PKD1L1: variants seen among roughly 807,000 people sequenced by gnomAD.
PKD1L1 encodes polycystin 1 like 1, transient receptor potential channel interacting, also known as polycystin-1-like protein 1.
Under a neutral mutation model 323.4 loss-of-function variants are expected in PKD1L1, and 236 were observed. The observed-to-expected ratio is 0.73, with a 90% confidence interval of 0.66 to 0.81. The LOEUF (loss-of-function observed/expected upper bound fraction) is 0.81. PKD1L1 is among the 40% of genes least tolerant of loss of function. PKD1L1 has a pLI of 0.00. For synonymous variants in PKD1L1, 1,344 were observed against 1,335.0 expected (o/e 1.01, Z -0.15); for missense variants, 3,320 against 3,508.0 (o/e 0.95, Z 1.35).
intron 26 of PKD1L1, among the ~76,000 whole-genome samples, chr7:47,862,890 G>C (rs1165176494): frequency 1.3e-5 from 2 of 152,194 alleles, no homozygotes; most frequent in African/African-American, 4.8e-5. Flanking sequence ...CACGGGGAGT[G>C]CTGAGCAGGA....
chr7:47,802,535 T>C (rs1281713609), intron 53 of PKD1L1, among the ~76,000 whole-genome samples: 13 of 152,240 alleles, frequency 8.5e-5, no homozygotes, highest in African/African-American at 2.9e-4. Flanking sequence ...GTGTCCTGTG[T>C]GGCTTGGATC....
In PKD1L1 at chr7:47,890,832, G is replaced by A. The variant is rs1375393474; in HGVS notation, c.2454-69C>T. ...GAGTCAGGGACTACCCTGTGTCACT[G>A]CACGGGTTTTCCCCAGGTGAGGGGG... On this transcript the variant is annotated intron_variant, in intron 15 of 56. Coordinates refer to ENST00000289672, the MANE Select transcript of PKD1L1 (RefSeq NM_138295.5). 10 of 1,412,158 alleles carry A rather than the reference G, an allele frequency of 7.1e-6. No homozygotes were observed. In the Admixed American group the frequency reaches 9.1e-5, roughly 13 times the overall value. 87.5% of individuals were successfully genotyped at this position (1,412,158 alleles called of 1,614,324 possible).
At chr7:47,884,130 G>A (rs112597740) in intron 19 of PKD1L1, among the ~76,000 whole-genome samples, 251 of 151,766 alleles carry the variant, frequency 1.7e-3, no homozygotes, top group African/African-American at 5.8e-3. Flanking sequence ...CTTCCCAGAG[G>A]AGGGAATAAA....
intron 41 of PKD1L1, among the ~76,000 whole-genome samples, chr7:47,832,382 C>A (rs561672303): frequency 5.9e-5 from 9 of 152,228 alleles, no homozygotes; most frequent in African/African-American, 2.2e-4. Flanking sequence ...ACGCTGAAGG[C>A]TCACCTGCCT....
chr7:47,860,921 G>A (rs918889471), intron 26 of PKD1L1, among the ~76,000 whole-genome samples: 5 of 152,148 alleles, frequency 3.3e-5, no homozygotes, highest in Admixed American at 1.3e-4. Context: ...TCGAGTCCAG[G>A]TGAGCCCATG....
At chr7:47,916,810 C>T (rs1296824392) in intron 7 of PKD1L1, among the ~76,000 whole-genome samples, 1 of 152,172 alleles carries the variant, frequency 6.6e-6, no homozygotes. Flanking sequence ...ACCCACAGGA[C>T]AAAAGAATCT....
intron 45 of PKD1L1, among the ~76,000 whole-genome samples, chr7:47,825,746 T>G (rs1360433971): frequency 2.0e-5 from 3 of 152,284 alleles, no homozygotes; most frequent in Admixed American, 2.0e-4. Context: ...TAGAGAAACT[T>G]ATACTTAAGA....
At chr7:47,890,476 G>GGATGCTAGCACCA in intron 16 of PKD1L1, 66 bp downstream of exon 16, 1 of 1,505,632 alleles carries the variant, frequency 6.6e-7, no homozygotes, top group Non-Finnish European at 9.2e-7. Flanking sequence ...TTCCTTTCAC[G>GGATGCTAGCACCA]GATGCTAGCA....
chr7:47,829,935 G>A (rs1432625195), intron 43 of PKD1L1, 105 bp downstream of exon 43: 3 of 1,061,660 alleles, frequency 2.8e-6, no homozygotes, highest in Non-Finnish European at 4.3e-6. Flanking sequence ...TGAAATCAGG[G>A]TATAAAGAAA....
chr7:47,845,781 A>G (rs900157995), intron 32 of PKD1L1, among the ~76,000 whole-genome samples: 3 of 152,050 alleles, frequency 2.0e-5, no homozygotes, highest in African/African-American at 7.2e-5. Flanking sequence ...GGGTTTCGCT[A>G]TGTTGGCCAG....
At chr7:47,778,341 C>T (rs547316662) in intron 56 of PKD1L1, among the ~76,000 whole-genome samples, 16 of 152,240 alleles carry the variant, frequency 1.1e-4, no homozygotes, top group Middle Eastern at 3.4e-3. Flanking sequence ...GGGGCAAAGA[C>T]CTTCCATTTG....
Position 47,876,211 on chromosome 7 carries a change from G to A in PKD1L1, c.3670C>T (p.His1224Tyr), listed in dbSNP as rs754717774. 1.2e-6 allele frequency: 2 copies of A among 1,613,864 alleles called. No individual in the cohort carries two copies. The highest frequency in any genetic ancestry group is 4.5e-5 in the East Asian group (2 of 44,882). The change falls in exon 23 of 57, where the codon CAT becomes TAT. Residue 1224 changes from histidine (H) to tyrosine (Y), a missense_variant. Physicochemically the swap from His to Tyr is moderately conservative, Grantham distance 83. Coordinates refer to ENST00000289672, the MANE Select transcript of PKD1L1 (RefSeq NM_138295.5). ...CCTATCTGGTAACTAAATTCATAAT[G>A]GAAGTCCTATGATCCAGTCCAAGGG... ...VFCMSGKPDFHYEFSYQIGNT... is the reference protein window; with the variant it reads ...VFCMSGKPDFYYEFSYQIGNT...
At chr7:47,931,708 CAGCAAAAATGCTCTTACAGAA>C (rs1388318437) in intron 5 of PKD1L1, among the ~76,000 whole-genome samples, 1 of 152,242 alleles carries the variant, frequency 6.6e-6, no homozygotes, top group Non-Finnish European at 1.5e-5. Flanking sequence ...CTCTTACAGA[CAGCAAAAATGCTCTTACAGAA>C]AGCAAAAATA....
At chr7:47,781,668 C>G (rs919958522) in intron 56 of PKD1L1, among the ~76,000 whole-genome samples, 4 of 152,034 alleles carry the variant, frequency 2.6e-5, no homozygotes, top group Non-Finnish European at 5.9e-5. Context: ...CTCAGCCTCC[C>G]AAAGTGCTGG....
At chr7:47,922,221 T>C (rs959803126) in intron 7 of PKD1L1, among the ~76,000 whole-genome samples, 1 of 152,214 alleles carries the variant, frequency 6.6e-6, no homozygotes, top group Admixed American at 6.5e-5. Flanking sequence ...GTGCTCAATG[T>C]TGCCCAGGCT....
At chr7:47,820,978 G>A in intron 46 of PKD1L1, 98 bp downstream of exon 46, 1 of 697,542 alleles carries the variant, frequency 1.4e-6, no homozygotes, top group Non-Finnish European at 2.5e-6. Flanking sequence ...AATCTTTCCA[G>A]TATTTCATAT....
chr7:47,878,104 A>G (rs1256513940), intron 21 of PKD1L1, among the ~76,000 whole-genome samples: 2 of 152,146 alleles, frequency 1.3e-5, no homozygotes, highest in African/African-American at 2.4e-5. Context: ...CCTTAGCCAC[A>G]TACACACGTA....
At chr7:47,960,576 T>C in the PKD1L1 span, among the ~76,000 whole-genome samples, 1 of 151,630 alleles carries the variant, frequency 6.6e-6, no homozygotes, top group Non-Finnish European at 1.5e-5. Context: ...GGTTTACCTA[T>C]GGTGCTTTGC....
intron 54 of PKD1L1, among the ~76,000 whole-genome samples, chr7:47,796,830 CAAAAAAAAAA>C (rs71006525): frequency 1.4e-4 from 19 of 133,604 alleles, no homozygotes; most frequent in East Asian, 2.1e-4. Context: ...TCCTAAATTA[CAAAAAAAAAA>C]AAAAAAAAAA....
Sources: allele counts gnomAD v4.1 joint callset (sites outside exome capture counted in the v4.1 genomes callset), GRCh38; gene constraint gnomAD v4.1.1; transcripts MANE v1.5; gene names NCBI Gene and HGNC (gene_info 2026-07-23, HGNC 2026-07-21).